PLAAT2: variants seen among roughly 807,000 people sequenced by gnomAD.
PLAAT2 encodes HRAS like suppressor 2.
PLAAT2 carries 12 observed loss-of-function variants against 12.8 expected under a neutral mutation model. The observed-to-expected ratio is 0.94, with a 90% confidence interval of 0.60 to 1.52. The LOEUF is 1.52. Ranked by LOEUF, PLAAT2 falls within the 40% of genes most tolerant of loss-of-function variation. PLAAT2 has a pLI of 0.00. For synonymous variants in PLAAT2, 79 were observed against 86.8 expected (o/e 0.91, Z 0.50); for missense variants, 166 against 208.1 (o/e 0.80, Z 1.24).
chr11:63,552,967 T>C lies in PLAAT2; in HGVS notation c.486A>G (p.Gln162=), dbSNP rs1482566322. The C allele has an allele frequency of 6.2e-7, 1 of 1,610,982 alleles. No homozygotes were observed. The highest frequency in any genetic ancestry group is 1.1e-5 in the South Asian group (1 of 90,936). ...ILLARSKRER[Q] ...TTGTTGGGACAATTTCTTGGATTTA[T>C]TGCCTTTCCCGCTTGCTTCTGGCCA... Residue 162 remains glutamine (Q), a synonymous_variant, in exon 4 of 4, where the codon CAA becomes CAG. Coordinates refer to ENST00000255695, the MANE Select transcript of PLAAT2 (RefSeq NM_017878.2).
At chr11:63,558,861 T>C (rs2017493211) in intron 2 of PLAAT2, among the ~76,000 whole-genome samples, 1 of 152,244 alleles carries the variant, frequency 6.6e-6, no homozygotes, top group African/African-American at 2.4e-5. Flanking sequence ...GGTTTCCTCA[T>C]TTCTAAAGTA....
At chr11:63,554,476 A>C (rs538898102) in intron 3 of PLAAT2, among the ~76,000 whole-genome samples, 1 of 152,178 alleles carries the variant, frequency 6.6e-6, no homozygotes, top group Non-Finnish European at 1.5e-5. Context: ...CCACTAAAAA[A>C]AATTAGCCAG....
chr11:63,560,621 G>A (rs369560228), intron 1 of PLAAT2, among the ~76,000 whole-genome samples: 1 of 152,178 alleles, frequency 6.6e-6, no homozygotes, highest in African/African-American at 2.4e-5. Flanking sequence ...AGTTCTAGAG[G>A]TCTGACTTGC....
At chr11:63,556,193 C>T (rs759684771) in intron 3 of PLAAT2, among the ~76,000 whole-genome samples, 1 of 149,412 alleles carries the variant, frequency 6.7e-6, no homozygotes, top group Non-Finnish European at 1.5e-5. Flanking sequence ...TCTTTCCAGA[C>T]AGACAGAGTC....
At chr11:63,560,224 G>GCTCACCTCTGCCTGT in intron 1 of PLAAT2, 31 bp from the exon 2 acceptor site, 1 of 1,546,854 alleles carries the variant, frequency 6.5e-7, no homozygotes, top group Non-Finnish European at 8.9e-7. Flanking sequence ...ACAGGCAGAG[G>GCTCACCTCTGCCTGT]TGAGCCATCT....
intron 1 of PLAAT2, among the ~76,000 whole-genome samples, chr11:63,561,042 C>A (rs1320483251): frequency 6.6e-6 from 1 of 152,154 alleles, no homozygotes; most frequent in African/African-American, 2.4e-5. Context: ...CAGCCAGCAC[C>A]CCTCCTCCCC....
intron 3 of PLAAT2, among the ~76,000 whole-genome samples, chr11:63,555,954 G>A (rs1262604555): frequency 6.6e-6 from 1 of 152,184 alleles, no homozygotes; most frequent in Non-Finnish European, 1.5e-5. Flanking sequence ...TCAGGTGTTC[G>A]TTAGAACAAA....
chr11:63,554,263 C>G (rs1179858368), intron 3 of PLAAT2, among the ~76,000 whole-genome samples: 1 of 152,068 alleles, frequency 6.6e-6, no homozygotes, highest in South Asian at 2.1e-4. Context: ...TTTAATCTGC[C>G]TGACAACTCT....
chr11:63,552,892 C>T lies in PLAAT2; in HGVS notation c.*72G>A, dbSNP rs2017429522. 2.0e-6 allele frequency: 2 copies of T among 1,017,604 alleles called. No homozygotes were observed. Among genetic ancestry groups the T allele is most frequent in the South Asian group, 1.3e-5 (1 of 74,952 alleles). The allele number at this position is 1,017,604 out of a possible 1,614,324, so 63.0% of individuals were successfully genotyped here. A position where few individuals can be genotyped will look rare whatever the true frequency, so the allele number is the denominator to read the frequency against. On this transcript the variant is annotated 3_prime_UTR_variant, in exon 4 of 4. Transcript: ENST00000255695. ...ACACAAAACAGTAAAATCAGTAAAC[C>T]AAACTCCACTCCTGCTGGCTAAATA...
intron 3 of PLAAT2, 45 bp from the exon 4 acceptor site, chr11:63,553,110 A>G: frequency 3.3e-6 from 4 of 1,199,216 alleles, no homozygotes; most frequent in Non-Finnish European, 4.9e-6. Context: ...TCAGGGCGGG[A>G]CCACGATACA....
At chr11:63,554,817 T>C (rs979035818) in intron 3 of PLAAT2, among the ~76,000 whole-genome samples, 7 of 149,080 alleles carry the variant, frequency 4.7e-5, no homozygotes, top group Middle Eastern at 3.4e-3. Flanking sequence ...TGTGAGTGAC[T>C]GGGGAAAAGA....
Position 63,560,068 on chromosome 11 carries a change from A to T in PLAAT2, c.118+17T>A. 1 of 1,548,566 alleles carries T rather than the reference A, an allele frequency of 6.5e-7. No homozygotes were observed. On this transcript the variant is annotated intron_variant, in intron 2 of 3. Transcript: ENST00000255695. ...TTGATCTTAACCCTTGTGCTTAAAA[A>T]GAGAACCCATCCTTACTTGCCGGAG...
chr11:63,561,731 A>G (rs576645640), intron 1 of PLAAT2, among the ~76,000 whole-genome samples: 7 of 151,764 alleles, frequency 4.6e-5, no homozygotes, highest in East Asian at 1.9e-4. Flanking sequence ...AATCTCAGAC[A>G]TCACCACTAA....
chr11:63,553,661 A>G (rs1022418412), intron 3 of PLAAT2, among the ~76,000 whole-genome samples: 8 of 152,170 alleles, frequency 5.3e-5, no homozygotes, highest in African/African-American at 1.9e-4. Flanking sequence ...AAAAATAACA[A>G]TAATAATTAA....
intron 1 of PLAAT2, among the ~76,000 whole-genome samples, chr11:63,562,430 G>A (rs2134375262): frequency 6.6e-6 from 1 of 152,232 alleles, no homozygotes; most frequent in South Asian, 2.1e-4. Flanking sequence ...AATATTTTTT[G>A]TAGGGATGGG....
In PLAAT2 at chr11:63,563,367, C is replaced by A. The variant is rs2017535665; in HGVS notation, c.-43G>T. On this transcript the variant is annotated 5_prime_UTR_variant, in exon 1 of 4. Coordinates refer to ENST00000255695, the MANE Select transcript of PLAAT2 (RefSeq NM_017878.2). ...GTCTTGTGTGTTGCTGACTCTGTGT[C>A]CAGCCTTAAATTAGCTCTGAGTTTC... 6.2e-7 allele frequency: 1 copy of A among 1,613,442 alleles called. No individual in the cohort carries two copies. Among genetic ancestry groups the A allele is most frequent in the Non-Finnish European group, 8.5e-7 (1 of 1,179,540 alleles).
At chr11:63,554,947 C>T (rs1355706631) in intron 3 of PLAAT2, among the ~76,000 whole-genome samples, 1 of 152,204 alleles carries the variant, frequency 6.6e-6, no homozygotes, top group Non-Finnish European at 1.5e-5. Flanking sequence ...TCTCTACTGA[C>T]AGCAGGGAAA....
intron 1 of PLAAT2, among the ~76,000 whole-genome samples, chr11:63,562,170 C>G (rs906557141): frequency 4.6e-5 from 7 of 152,328 alleles, no homozygotes; most frequent in African/African-American, 1.7e-4. Context: ...CCAGGTTGTA[C>G]AGAGGGGAAA....
chr11:63,559,197 C>T (rs946498474), intron 2 of PLAAT2, among the ~76,000 whole-genome samples: 35 of 152,198 alleles, frequency 2.3e-4, no homozygotes, highest in African/African-American at 3.4e-4. Flanking sequence ...CTAGCTACTC[C>T]GGGGGCGAGG....
Sources: allele counts gnomAD v4.1 joint callset (sites outside exome capture counted in the v4.1 genomes callset), GRCh38; gene constraint gnomAD v4.1.1; transcripts MANE v1.5; gene names NCBI Gene and HGNC (gene_info 2026-07-23, HGNC 2026-07-21).